FHOD3: variants seen among roughly 807,000 people sequenced by gnomAD.
FHOD3 encodes formin homology 2 domain containing 3.
A neutral mutation model predicts 173.0 loss-of-function variants in FHOD3; 90 were observed. The observed-to-expected ratio is 0.52, with a 90% confidence interval of 0.44 to 0.62. The LOEUF (loss-of-function observed/expected upper bound fraction) is 0.62, where lower values mean the gene tolerates loss of function less well. Ranked by LOEUF, FHOD3 falls within the 20% of genes least tolerant of loss-of-function variation. The pLI is 0.00. For missense variants in FHOD3, 1,945 were observed against 2,034.7 expected, an observed-to-expected ratio of 0.96 and a Z score of 0.85; for synonymous variants, 828 against 823.0, an observed-to-expected ratio of 1.01 and a Z score of -0.10.
In FHOD3 at chr18:36,652,890, C is replaced by T. The variant is rs1488328656; in HGVS notation, c.1607C>T (p.Ser536Phe). 6.5e-7 allele frequency: 1 copy of T among 1,535,110 alleles called. No homozygotes were observed. The highest frequency in any genetic ancestry group is 1.4e-5 in the African/African-American group (1 of 73,010). The change falls in exon 12 of 29, where the codon TCC (serine) becomes TTC (phenylalanine). Residue 536 changes from serine to phenylalanine, a missense_variant. Coordinates refer to ENST00000590592, the MANE Select transcript of FHOD3 (RefSeq NM_001281740.3). ...TATGACTTTGAGGACTCCTCCCTGT[C>T]CACCAAGGAGAAGGAAGCAGAGTCC... is the stretch of plus-strand genomic sequence containing the variant. ...FSYDFEDSSL[S>F]TKEKEAESQK...
chr18:36,583,754 C>T lies in FHOD3; in HGVS notation c.606+7209C>T, dbSNP rs181182974. Among the ~76,000 whole-genome samples, 6 of 152,300 alleles carry T rather than the reference C, an allele frequency of 3.9e-5. No individual in the cohort carries two copies. The East Asian group carries it at 1.2e-3, about 29-fold the overall frequency. On this transcript the variant is annotated intron_variant, in intron 6 of 28. Coordinates refer to ENST00000590592, the MANE Select transcript of FHOD3 (RefSeq NM_001281740.3). ...GGGTTTATGCTCTCATGGTAGCCCACAGTTGACATTTGACAATTTGCTAAA... is the reference window on the plus strand; with the variant it reads ...GGGTTTATGCTCTCATGGTAGCCCATAGTTGACATTTGACAATTTGCTAAA...
At chr18:36,520,049 C>T (rs753294537) in intron 5 of FHOD3, among the ~76,000 whole-genome samples, 1 of 150,690 alleles carries the variant, frequency 6.6e-6, no homozygotes, top group African/African-American at 2.4e-5. Context: ...GCCTCAGACT[C>T]CTGGGTCATG....
chr18:36,623,808 G>C (rs6507178), intron 9 of FHOD3, among the ~76,000 whole-genome samples: 3,911 of 152,238 alleles, frequency 0.026, 179 homozygotes, highest in African/African-American at 0.09. Context: ...GGCAGATAAG[G>C]GTGGATACAC....
At chr18:36,762,592 T>G (rs1600609956) in intron 27 of FHOD3, among the ~76,000 whole-genome samples, 1 of 151,618 alleles carries the variant, frequency 6.6e-6, no homozygotes, top group Non-Finnish European at 1.5e-5. Context: ...AGGTCAGGAG[T>G]TCAAGACCAG....
chr18:36,537,473 A>G (rs528772795), intron 5 of FHOD3, among the ~76,000 whole-genome samples: 2 of 152,200 alleles, frequency 1.3e-5, no homozygotes, highest in East Asian at 3.9e-4. Context: ...GGGAACCTGG[A>G]CTTCTACTTC....
chr18:36,441,720 A>G (rs1299436464), intron 3 of FHOD3, among the ~76,000 whole-genome samples: 1 of 152,182 alleles, frequency 6.6e-6, no homozygotes, highest in Non-Finnish European at 1.5e-5. Context: ...GATGCTCCTT[A>G]ATTATAGACA....
chr18:36,596,434 C>T (rs529450780), intron 7 of FHOD3, among the ~76,000 whole-genome samples: 12 of 150,290 alleles, frequency 8.0e-5, no homozygotes, highest in Admixed American at 2.7e-4. Context: ...CCACCTGCCT[C>T]GGCCTCCCAA....
chr18:36,730,824 G>A lies in FHOD3; in HGVS notation c.3576+20G>A, dbSNP rs781448148. On this transcript the variant is annotated intron_variant, in intron 20 of 28. Transcript: ENST00000590592. ...ATCGAGGTGAGGGAAGCTCTATTAA[G>A]CATTATTTGTATTTTATCTTATACT... The A allele has an allele frequency of 1.9e-6, 3 of 1,610,654 alleles. No homozygotes were observed. Among genetic ancestry groups the A allele is most frequent in the Non-Finnish European group, 2.5e-6 (3 of 1,178,332 alleles).
At position 36,620,415 on chromosome 18, in the gene FHOD3, G is replaced by A. The variant is rs147697511; in HGVS notation, c.958-5096G>A. 4.2e-3 allele frequency among the ~76,000 whole-genome samples: 642 copies of A among 152,334 alleles called. 7 individuals are homozygous for A. The highest frequency in any genetic ancestry group is 0.03 in the South Asian group (146 of 4,830). On this transcript the variant is annotated intron_variant, in intron 9 of 28. Coordinates refer to ENST00000590592, the MANE Select transcript of FHOD3 (RefSeq NM_001281740.3). The stretch of plus-strand genomic sequence containing the variant: ...TTCCCTAAGGCTCCTTGGCAAGATG[G>A]AAGGGGCTCCTTCTGTTTGTCCCCC...
chr18:36,519,342 GT>G (rs1028111115), intron 5 of FHOD3, among the ~76,000 whole-genome samples: 2 of 152,204 alleles, frequency 1.3e-5, no homozygotes, highest in Non-Finnish European at 2.9e-5. Flanking sequence ...TGGCCCCACT[GT>G]TCCTCCTGGG....
At chr18:36,567,733 T>G (rs1454269978) in intron 5 of FHOD3, among the ~76,000 whole-genome samples, 2 of 152,148 alleles carry the variant, frequency 1.3e-5, no homozygotes, top group African/African-American at 4.8e-5. Flanking sequence ...GAAGTGGACT[T>G]GGGTGTGGAC....
chr18:36,298,993 T>C (rs1181126869), intron 1 of FHOD3, among the ~76,000 whole-genome samples: 1 of 152,054 alleles, frequency 6.6e-6, no homozygotes, highest in Non-Finnish European at 1.5e-5. Flanking sequence ...TTCTTGAGGG[T>C]CGACATTAAC....
intron 21 of FHOD3, among the ~76,000 whole-genome samples, chr18:36,741,666 G>A (rs1397234271): frequency 6.6e-6 from 1 of 152,088 alleles, no homozygotes; most frequent in East Asian, 1.9e-4. Flanking sequence ...AGCTACTCAG[G>A]AGGCTGTGGC....
intron 5 of FHOD3, among the ~76,000 whole-genome samples, chr18:36,562,467 A>G (rs2058121608): frequency 6.6e-6 from 1 of 152,250 alleles, no homozygotes; most frequent in South Asian, 2.1e-4. Context: ...AAATGTTTAA[A>G]GAGTTGAAAT....
intron 3 of FHOD3, among the ~76,000 whole-genome samples, chr18:36,373,896 GA>G (rs2047311820): frequency 6.6e-6 from 1 of 152,130 alleles, no homozygotes; most frequent in African/African-American, 2.4e-5. Flanking sequence ...CTCTCTAAAG[GA>G]AAGGTCTGTG....
chr18:36,305,848 A>G (rs967331771), intron 1 of FHOD3, among the ~76,000 whole-genome samples: 1 of 152,208 alleles, frequency 6.6e-6, no homozygotes, highest in Admixed American at 6.5e-5. Context: ...AAAGAAGTTT[A>G]TACCAATTGC....
In FHOD3 at chr18:36,693,190, T is replaced by G. The variant is rs752322578; in HGVS notation, c.2022-19T>G. ...CTCCTCTTTCGTTTGACGGAAACCC[T>G]TTGGAATTTAACTTTCAGATACAAA... On this transcript the variant is annotated intron_variant, in intron 16 of 28. Coordinates refer to ENST00000590592, the MANE Select transcript of FHOD3 (RefSeq NM_001281740.3). 1 of 1,606,838 alleles carries G rather than the reference T, an allele frequency of 6.2e-7. No homozygotes were observed.
chr18:36,747,275 T>C (rs2042195947), intron 24 of FHOD3, 140 bp downstream of exon 24: 1 of 526,476 alleles, frequency 1.9e-6, no homozygotes, highest in Admixed American at 4.0e-5. Flanking sequence ...ATGATACAGA[T>C]GTTTAACAGT....
At chr18:36,595,778 A>T (rs971461512) in intron 7 of FHOD3, among the ~76,000 whole-genome samples, 1 of 152,198 alleles carries the variant, frequency 6.6e-6, no homozygotes, top group Non-Finnish European at 1.5e-5. Flanking sequence ...AATGCTTCCC[A>T]ATTAAAATGA....
Sources: gnomAD v4.1 joint callset for allele counts (sites outside exome capture counted in the v4.1 genomes callset) on GRCh38, gnomAD v4.1.1 for gene constraint, MANE v1.5 for transcripts, NCBI Gene and HGNC (gene_info 2026-07-23, HGNC 2026-07-21) for gene names.